MEAK7: variants seen among roughly 807,000 people sequenced by gnomAD.
MEAK7 encodes the protein MTOR-associated protein MEAK7.
In MEAK7, 68 loss-of-function variants were observed where a neutral mutation model predicts 40.5. The observed-to-expected ratio is 1.68, with a 90% CI of 1.38 to 2.06. The LOEUF (loss-of-function observed/expected upper bound fraction) is 2.06. Among genes scored for constraint, MEAK7 ranks in the 30% most tolerant of loss-of-function variants. The pLI is 0.00. For synonymous variants in MEAK7, 338 were observed against 231.9 expected, an observed-to-expected ratio of 1.46 and a Z score of -4.16; for missense variants, 918 against 580.5, an observed-to-expected ratio of 1.58 and a Z score of -5.98.
At chr16:84,502,187 C>T (rs760431887) in intron 1 of MEAK7, among the ~76,000 whole-genome samples, 3 of 151,658 alleles carry the variant, frequency 2.0e-5, no homozygotes, top group Non-Finnish European at 4.4e-5. Context: ...GTGCTGACAG[C>T]GCACATCAAG....
At chr16:84,480,939 A>G (rs755173771) in intron 6 of MEAK7, among the ~76,000 whole-genome samples, 3 of 152,212 alleles carry the variant, frequency 2.0e-5, no homozygotes, top group Non-Finnish European at 2.9e-5. Flanking sequence ...CACCCACCCC[A>G]TGGCTCTTTC....
In MEAK7 at chr16:84,497,660, T is replaced by G. The variant is rs1026509162; in HGVS notation, c.153+274A>C. 2.9e-5 allele frequency: 42 copies of G among 1,439,374 alleles called. No individual in the cohort carries two copies. In the African/African-American group the frequency reaches 5.8e-4, roughly 20 times the overall value. The allele number at this position is 1,439,374 out of a possible 1,614,324, so 89.2% of individuals were successfully genotyped here. ...TCCAGGTTCCTTTCTGTAGTACAGA[T>G]AAGAGACTATTGATTTCAAAAACGG... On this transcript the variant is annotated intron_variant, in intron 2 of 7. Transcript: ENST00000343629.
At chr16:84,481,413 C>T (rs571612511) in intron 6 of MEAK7, among the ~76,000 whole-genome samples, 184 of 152,308 alleles carry the variant, frequency 1.2e-3, no homozygotes, top group African/African-American at 3.7e-3. Context: ...CAATGACGAG[C>T]GATGACCGGG....
chr16:84,492,975 T>G (rs972913796), intron 3 of MEAK7, among the ~76,000 whole-genome samples: 1 of 152,228 alleles, frequency 6.6e-6, no homozygotes, highest in African/African-American at 2.4e-5. Context: ...GTTTTGATAT[T>G]AGGTCCCTTG....
In MEAK7 at chr16:84,497,970, A is replaced by T; in HGVS notation, c.117T>A (p.Asn39Lys). Residue 39 changes from asparagine (N) to lysine (K), a missense_variant, in exon 2 of 8, where the codon AAT becomes AAA. By Grantham distance (94) the Asn-to-Lys change is moderately conservative. Transcript: ENST00000343629. ...TCAGAGAGAAGGATTTGGATGAGAC[A>T]TTCGGGCTGTTTTTATCTGATGACA... is the stretch of plus-strand genomic sequence containing the variant. ...DALSSDKNSPNVSSKSFSLKA... is the reference protein window; with the variant it reads ...DALSSDKNSPKVSSKSFSLKA... The T allele has an allele frequency of 1.9e-6, 3 of 1,614,218 alleles. No individual in the cohort carries two copies. Among genetic ancestry groups the T allele is most frequent in the Middle Eastern group, 3.3e-4 (2 of 6,062 alleles).
chr16:84,492,078 G>C (rs545481103), intron 3 of MEAK7, among the ~76,000 whole-genome samples: 1 of 152,114 alleles, frequency 6.6e-6, no homozygotes, highest in African/African-American at 2.4e-5. Flanking sequence ...GAGACACAGG[G>C]CCTGAAATTT....
chr16:84,502,459 G>C (rs1333280533), intron 1 of MEAK7, among the ~76,000 whole-genome samples: 1 of 152,100 alleles, frequency 6.6e-6, no homozygotes, highest in Non-Finnish European at 1.5e-5. Context: ...CAAAATGGAA[G>C]CGGAACTTGA....
Position 84,486,299 on chromosome 16 carries a change from G to A in MEAK7, c.958+332C>T, listed in dbSNP as rs981822493. On this transcript the variant is annotated intron_variant, in intron 5 of 7. Coordinates refer to ENST00000343629, the MANE Select transcript of MEAK7 (RefSeq NM_020947.4). ...GGCAGGGGCAGGAAGGCCCAGGGAA[G>A]GAAAATGTCCGATCTGAACCAATTA... The A allele has an allele frequency of 3.7e-5, 15 of 404,512 alleles. 3 individuals carry two copies. Among genetic ancestry groups the A allele is most frequent in the South Asian group, 2.2e-4 (3 of 13,562 alleles). 25.1% of individuals were successfully genotyped at this position (404,512 alleles called of 1,614,324 possible).
At chr16:84,494,483 G>C (rs1166035051) in intron 3 of MEAK7, among the ~76,000 whole-genome samples, 1 of 151,694 alleles carries the variant, frequency 6.6e-6, no homozygotes, top group East Asian at 1.9e-4. Context: ...AAAATAAGCT[G>C]TGCTCTTCTT....
At chr16:84,491,786 G>T (rs1324357454) in intron 3 of MEAK7, among the ~76,000 whole-genome samples, 2 of 150,266 alleles carry the variant, frequency 1.3e-5, no homozygotes, top group Non-Finnish European at 2.9e-5. Flanking sequence ...TGCAGTGACT[G>T]AGATCGCGCC....
chr16:84,490,277 G>GA (rs1913454884), intron 3 of MEAK7, among the ~76,000 whole-genome samples: 1 of 122,670 alleles, frequency 8.2e-6, no homozygotes, highest in African/African-American at 2.8e-5. Flanking sequence ...CCCATAGCTG[G>GA]GGGAAAAAAA....
chr16:84,482,803 AC>A, intron 5 of MEAK7, 93 bp from the exon 6 acceptor site: 1 of 1,551,716 alleles, frequency 6.4e-7, no homozygotes, highest in Non-Finnish European at 8.7e-7. Context: ...TCAGGAAGCA[AC>A]AGGGCCAAGA....
chr16:84,487,620 G>A (rs1485108364), intron 4 of MEAK7: 1 of 154,144 alleles, frequency 6.5e-6, no homozygotes, highest in Non-Finnish European at 1.4e-5. Flanking sequence ...GCACTTCCTG[G>A]GACTCCTGCA....
At chr16:84,493,386 G>A (rs1913788291) in intron 3 of MEAK7, among the ~76,000 whole-genome samples, 1 of 152,184 alleles carries the variant, frequency 6.6e-6, no homozygotes, top group East Asian at 1.9e-4. Flanking sequence ...GAATAGAAAG[G>A]AAAACTTCTA....
intron 1 of MEAK7, among the ~76,000 whole-genome samples, chr16:84,500,244 C>A (rs1914388938): frequency 6.6e-6 from 1 of 152,192 alleles, no homozygotes; most frequent in Admixed American, 6.5e-5. Flanking sequence ...TTTCCACCTT[C>A]CGGCTATCAT....
chr16:84,498,171 A>G, intron 1 of MEAK7, 60 bp from the exon 2 acceptor site: 1 of 1,517,588 alleles, frequency 6.6e-7, no homozygotes, highest in Non-Finnish European at 8.8e-7. Context: ...CAGAAAATAA[A>G]TGTTGAGAAT....
intron 1 of MEAK7, chr16:84,503,956 A>AC (rs1270878201): frequency 1.0e-6 from 1 of 985,340 alleles, no homozygotes; most frequent in Non-Finnish European, 1.2e-6. Flanking sequence ...GTCCCTCCGT[A>AC]CCCCCACAAG....
At chr16:84,499,745 G>A (rs1320569743) in intron 1 of MEAK7, among the ~76,000 whole-genome samples, 1 of 152,100 alleles carries the variant, frequency 6.6e-6, no homozygotes, top group East Asian at 1.9e-4. Context: ...TCATATAAAT[G>A]CAATTATATG....
Position 84,495,689 on chromosome 16 carries a change from G to A in MEAK7, c.378C>T (p.Val126=). 6.2e-7 allele frequency: 1 copy of A among 1,614,062 alleles called. No homozygotes were observed. Among genetic ancestry groups the A allele is most frequent in the Non-Finnish European group, 8.5e-7 (1 of 1,179,998 alleles). Residue 126 remains valine (V), a synonymous_variant, in exon 3 of 8, where the codon GTC becomes GTT. Coordinates refer to ENST00000343629, the MANE Select transcript of MEAK7 (RefSeq NM_020947.4). ...GACCTCGCGGCCTCACTACCTTTTGGACTTCTCTGGCCTTCACGGGACCTT... is the reference window on the plus strand; with the variant it reads ...GACCTCGCGGCCTCACTACCTTTTGAACTTCTCTGGCCTTCACGGGACCTT... ...ATEGPVKARE[V]QKFTEDLVGS...
Sources: allele counts gnomAD v4.1 joint callset (sites outside exome capture counted in the v4.1 genomes callset), GRCh38; gene constraint gnomAD v4.1.1; transcripts MANE v1.5; gene names NCBI Gene and HGNC (gene_info 2026-07-23, HGNC 2026-07-21).